The following DYM variants were observed in gnomAD, a reference collection of about 807,000 sequenced individuals.
DYM encodes the protein dyggve-Melchior-Clausen syndrome protein.
A neutral mutation model predicts 93.1 loss-of-function variants in DYM; 78 were observed. The ratio of observed to expected loss-of-function variants is 0.84; its 90% CI spans 0.70 to 1.01. The LOEUF is 1.01. Ranked by LOEUF, DYM falls within the 50% of genes least tolerant of loss-of-function variation. The pLI, the probability that DYM is intolerant of heterozygous loss-of-function variation, is 0.00. For synonymous variants in DYM, 321 were observed against 319.7 expected, an observed-to-expected ratio of 1.00 and a Z score of -0.04; for missense variants, 789 against 845.0, an observed-to-expected ratio of 0.93 and a Z score of 0.82.
chr18:49,338,978 AG>A (rs2063872653), intron 6 of DYM, among the ~76,000 whole-genome samples: 1 of 152,260 alleles, frequency 6.6e-6, no homozygotes, highest in South Asian at 2.1e-4. Flanking sequence ...GACTGAAAGA[AG>A]AACACGAAAC....
intron 14 of DYM, among the ~76,000 whole-genome samples, chr18:49,169,175 G>A (rs533032274): frequency 1.3e-5 from 2 of 152,322 alleles, no homozygotes; most frequent in East Asian, 3.9e-4. Flanking sequence ...GCGCAGTCAG[G>A]TGAAAAAGGA....
At chr18:49,061,945 T>C (rs2076013949) in intron 17 of DYM, among the ~76,000 whole-genome samples, 1 of 152,218 alleles carries the variant, frequency 6.6e-6, no homozygotes, top group Non-Finnish European at 1.5e-5. Context: ...TCTGGCTCCA[T>C]CCTAATAAGT....
intron 8 of DYM, among the ~76,000 whole-genome samples, chr18:49,325,967 G>T (rs1807625418): frequency 6.6e-6 from 1 of 152,152 alleles, no homozygotes; most frequent in South Asian, 2.1e-4. Flanking sequence ...TCAACCACAT[G>T]CCATGAAAGG....
intron 17 of DYM, among the ~76,000 whole-genome samples, chr18:49,051,254 C>T (rs1040653906): frequency 2.0e-5 from 3 of 152,170 alleles, no homozygotes; most frequent in South Asian, 2.1e-4. Flanking sequence ...CTTTTGTGGC[C>T]GTGTTTCCTC....
chr18:49,098,952 C>T (rs1350757420), intron 16 of DYM, among the ~76,000 whole-genome samples: 2 of 152,232 alleles, frequency 1.3e-5, no homozygotes, highest in East Asian at 1.9e-4. Flanking sequence ...AATATCTTCA[C>T]AGGTTGTAAA....
At chr18:49,145,172 G>A (rs909252607) in intron 15 of DYM, among the ~76,000 whole-genome samples, 2 of 117,918 alleles carry the variant, frequency 1.7e-5, no homozygotes, top group African/African-American at 3.0e-5. Flanking sequence ...GGTCCCCAAT[G>A]GGAAAACAAA....
chr18:49,178,916 C>T (rs922184719), intron 14 of DYM, among the ~76,000 whole-genome samples: 3 of 151,972 alleles, frequency 2.0e-5, no homozygotes, highest in East Asian at 3.9e-4. Context: ...CCCCCCACCA[C>T]GCCCCCATTT....
intron 15 of DYM, among the ~76,000 whole-genome samples, chr18:49,131,441 T>G (rs1251894334): frequency 6.6e-6 from 1 of 152,114 alleles, no homozygotes; most frequent in East Asian, 1.9e-4. Flanking sequence ...GCCAGGCTGG[T>G]CTTGAACTCC....
At chr18:49,351,101 T>A (rs1357758482) in intron 6 of DYM, among the ~76,000 whole-genome samples, 1 of 151,960 alleles carries the variant, frequency 6.6e-6, no homozygotes, top group African/African-American at 2.4e-5. Flanking sequence ...GTATCTGACT[T>A]GAACATGAGT....
intron 1 of DYM, among the ~76,000 whole-genome samples, chr18:49,434,705 C>A (rs925169610): frequency 6.6e-6 from 1 of 151,984 alleles, no homozygotes; most frequent in Admixed American, 6.6e-5. Flanking sequence ...GTGGATCACG[C>A]CTGTAATCAC....
intron 15 of DYM, among the ~76,000 whole-genome samples, chr18:49,163,352 T>C (rs111478078): frequency 0.016 from 2,488 of 152,228 alleles, 69 homozygotes; most frequent in African/African-American, 0.056. Flanking sequence ...TATTTATTTA[T>C]TATTTTTTTG....
chr18:49,054,779 T>C (rs1360881625), intron 17 of DYM, among the ~76,000 whole-genome samples: 1 of 152,194 alleles, frequency 6.6e-6, no homozygotes, highest in African/African-American at 2.4e-5. Flanking sequence ...ACACGGATCC[T>C]GAGCTCAGGA....
At chr18:49,270,499 T>C (rs944273142) in intron 11 of DYM, among the ~76,000 whole-genome samples, 1 of 152,188 alleles carries the variant, frequency 6.6e-6, no homozygotes, top group Non-Finnish European at 1.5e-5. Context: ...AGATCTAATG[T>C]ATAATATGAG....
chr18:49,143,938 AAG>A (rs1237350483), intron 15 of DYM, among the ~76,000 whole-genome samples: 1 of 152,214 alleles, frequency 6.6e-6, no homozygotes, highest in Non-Finnish European at 1.5e-5. Context: ...TATATTGGTT[AAG>A]TATCTCTAAA....
intron 14 of DYM, among the ~76,000 whole-genome samples, chr18:49,201,849 T>C (rs1405377028): frequency 6.6e-6 from 1 of 152,216 alleles, no homozygotes; most frequent in East Asian, 1.9e-4. Flanking sequence ...TTACTAATTT[T>C]ATATTTAACT....
chr18:49,397,517 T>C (rs2070251820), intron 2 of DYM, among the ~76,000 whole-genome samples: 1 of 152,222 alleles, frequency 6.6e-6, no homozygotes, highest in African/African-American at 2.4e-5. Context: ...TTTTCTTTTT[T>C]ACCAATACAC....
chr18:49,391,728 A>G, intron 2 of DYM, 83 bp from the exon 3 acceptor site: 1 of 1,210,864 alleles, frequency 8.3e-7, no homozygotes, highest in Non-Finnish European at 1.2e-6. Context: ...ATATATAAAG[A>G]TAAGAAAAAT....
chr18:49,050,528 C>T (rs920448351), intron 17 of DYM, among the ~76,000 whole-genome samples: 5 of 152,084 alleles, frequency 3.3e-5, no homozygotes, highest in African/African-American at 7.2e-5. Flanking sequence ...CCTGTAAGAT[C>T]GTGCAGCACG....
At chr18:49,439,195 T>C (rs1035526884) in intron 1 of DYM, among the ~76,000 whole-genome samples, 1 of 152,180 alleles carries the variant, frequency 6.6e-6, no homozygotes, top group Non-Finnish European at 1.5e-5. Flanking sequence ...TCAAGGGTAA[T>C]ATATATAATA....
Sources: gnomAD v4.1 joint callset for allele counts (sites outside exome capture counted in the v4.1 genomes callset) on GRCh38, gnomAD v4.1.1 for gene constraint, MANE v1.5 for transcripts, NCBI Gene and HGNC (gene_info 2026-07-23, HGNC 2026-07-21) for gene names.